ZFP1: variants seen among roughly 807,000 people sequenced by gnomAD.
The protein encoded by ZFP1 is ZFP1 zinc finger protein, also known as zinc finger protein 1 homolog.
ZFP1 carries 32 observed loss-of-function variants against 38.5 expected under a neutral mutation model. The ratio of observed to expected loss-of-function variants is 0.83; its 90% confidence interval spans 0.63 to 1.12. The LOEUF (loss-of-function observed/expected upper bound fraction) is 1.12, where lower values mean the gene tolerates loss of function less well. Ranked by LOEUF, ZFP1 falls within the 50% of genes most tolerant of loss-of-function variation. The probability of loss-of-function intolerance (pLI) is 0.00; values close to 1 mark genes in which losing one functional copy is unlikely to be tolerated. For missense variants in ZFP1, 616 were observed against 480.8 expected, an observed-to-expected ratio of 1.28 and a Z score of -2.63; for synonymous variants, 245 against 168.8, an observed-to-expected ratio of 1.45 and a Z score of -3.50.
At chr16:75,162,211 C>G (rs1406847696) in intron 2 of ZFP1, among the ~76,000 whole-genome samples, 1 of 152,068 alleles carries the variant, frequency 6.6e-6, no homozygotes, top group African/African-American at 2.4e-5. Context: ...CAGCCTGGAC[C>G]TCCTTGGCTC....
chr16:75,124,439 C>A, the ZFP1 span, among the ~76,000 whole-genome samples: 1 of 149,016 alleles, frequency 6.7e-6, no homozygotes. Context: ...GGATTACAGG[C>A]GTGAGCCACC....
chr16:75,128,089 A>T, the ZFP1 span: 14 of 152,238 alleles, frequency 9.2e-5, no homozygotes, highest in Non-Finnish European at 1.6e-4. Flanking sequence ...CTTTCCTTTA[A>T]GGAATCAAAC....
chr16:75,121,250 G>A, the ZFP1 span, among the ~76,000 whole-genome samples: 5 of 150,934 alleles, frequency 3.3e-5, no homozygotes, highest in African/African-American at 1.2e-4. Flanking sequence ...AGAGAGTACA[G>A]ACATAACTGG....
chr16:75,127,134 T>G, the ZFP1 span, among the ~76,000 whole-genome samples: 1 of 152,252 alleles, frequency 6.6e-6, no homozygotes, highest in East Asian at 1.9e-4. Context: ...TAAAACTTTT[T>G]GTCATTCACG....
chr16:75,137,141 G>C, the ZFP1 span, among the ~76,000 whole-genome samples: 1 of 152,248 alleles, frequency 6.6e-6, no homozygotes, highest in Admixed American at 6.5e-5. Context: ...ATCTTGTAAT[G>C]TCAGAAAGTA....
intron 2 of ZFP1, among the ~76,000 whole-genome samples, chr16:75,164,265 C>T (rs976349966): frequency 6.6e-6 from 1 of 152,086 alleles, no homozygotes; most frequent in Non-Finnish European, 1.5e-5. Context: ...GACATTTATC[C>T]CATTTTTATT....
At chr16:75,168,876 T>A (rs967132382) in intron 3 of ZFP1, among the ~76,000 whole-genome samples, 9 of 152,218 alleles carry the variant, frequency 5.9e-5, no homozygotes, top group African/African-American at 2.2e-4. Flanking sequence ...ATCTGCTTAC[T>A]TTCTCGGTCT....
At chr16:75,135,209 C>CAAAAAAAA in the ZFP1 span, among the ~76,000 whole-genome samples, 262 of 14,924 alleles carry the variant, frequency 0.018, 76 homozygotes, top group African/African-American at 0.035. Context: ...GACCTTATCT[C>CAAAAAAAA]AAAAAAAAAA....
At chr16:75,120,663 G>A in the ZFP1 span, among the ~76,000 whole-genome samples, 2 of 151,806 alleles carry the variant, frequency 1.3e-5, no homozygotes, top group South Asian at 2.1e-4. Context: ...GTGCAGTGGC[G>A]CAATCTCGGC....
intron 3 of ZFP1, among the ~76,000 whole-genome samples, chr16:75,167,460 C>T (rs376285996): frequency 6.6e-6 from 1 of 151,866 alleles, no homozygotes; most frequent in Admixed American, 6.6e-5. Flanking sequence ...TGAAACTTTC[C>T]TAACATATCT....
upstream of ZFP1, among the ~76,000 whole-genome samples, chr16:75,147,656 T>C (rs8059411): frequency 0.5 from 75,747 of 151,738 alleles, 20,327 homozygotes; most frequent in East Asian, 0.72. Context: ...GATATCAACT[T>C]TGGGGAGGTT....
intron 2 of ZFP1, among the ~76,000 whole-genome samples, chr16:75,158,370 A>G (rs1183641764): frequency 1.3e-5 from 2 of 149,148 alleles, no homozygotes; most frequent in Non-Finnish European, 3.0e-5. Context: ...ATTTTTTGAG[A>G]CAGGATCTCT....
chr16:75,169,748 A>G lies in ZFP1; in HGVS notation c.638A>G (p.Glu213Gly), dbSNP rs1165928116. 6.2e-7 allele frequency: 1 copy of G among 1,613,158 alleles called. No individual in the cohort carries two copies. The highest frequency in any genetic ancestry group is 2.2e-5 in the East Asian group (1 of 44,882). ...KRIHTGEKPY[E>G]CNVCKKTFSH... ...ATACATACTGGAGAAAAGCCATATG[A>G]ATGCAATGTATGTAAGAAAACCTTC... The change falls in exon 4 of 4, where the codon GAA (glutamate) becomes GGA (glycine). Residue 213 changes from glutamate to glycine, a missense_variant. By Grantham distance (98) the Glu-to-Gly change is moderately conservative. Transcript: ENST00000570010.
chr16:75,166,390 T>C (rs2038083657), intron 2 of ZFP1, among the ~76,000 whole-genome samples: 1 of 152,118 alleles, frequency 6.6e-6, no homozygotes, highest in South Asian at 2.1e-4. Context: ...TGTGCCACCA[T>C]GCCCGACTAA....
the ZFP1 span, among the ~76,000 whole-genome samples, chr16:75,133,381 C>T: frequency 3.7e-4 from 56 of 152,210 alleles, no homozygotes; most frequent in East Asian, 1.2e-3. Flanking sequence ...CCAGGAATTA[C>T]GCCCAGTATT....
At chr16:75,131,525 C>T in the ZFP1 span, among the ~76,000 whole-genome samples, 1 of 152,104 alleles carries the variant, frequency 6.6e-6, no homozygotes, top group African/African-American at 2.4e-5. Context: ...GTTTTTCTTC[C>T]CATCAAATCG....
chr16:75,131,682 G>T, the ZFP1 span, among the ~76,000 whole-genome samples: 1 of 152,116 alleles, frequency 6.6e-6, no homozygotes, highest in Non-Finnish European at 1.5e-5. Flanking sequence ...TGTCTATCTT[G>T]TCCAGGCACA....
the ZFP1 span, among the ~76,000 whole-genome samples, chr16:75,143,259 G>T: frequency 6.6e-6 from 1 of 152,050 alleles, no homozygotes; most frequent in Admixed American, 6.6e-5. Context: ...TTTTGTTTTT[G>T]AGATGGAGTC....
chr16:75,154,045 C>T lies in ZFP1; in HGVS notation c.15+1079C>T, dbSNP rs185566799. On this transcript the variant is annotated intron_variant, in intron 2 of 3. Coordinates refer to ENST00000570010, the MANE Select transcript of ZFP1 (RefSeq NM_153688.4). ...AATGCTGGCCAACACGGTGAAACCC[C>T]GTCTCTAGTAAAAAAAAAAGTACAA... is the stretch of plus-strand genomic sequence containing the variant. 8.5e-5 allele frequency among the ~76,000 whole-genome samples: 13 copies of T among 152,208 alleles called. 1 individual carries two copies. The highest frequency in any genetic ancestry group is 3.9e-4 in the East Asian group (2 of 5,176).
Sources: allele counts gnomAD v4.1 joint callset (sites outside exome capture counted in the v4.1 genomes callset), GRCh38; gene constraint gnomAD v4.1.1; transcripts MANE v1.5; gene names NCBI Gene and HGNC (gene_info 2026-07-23, HGNC 2026-07-21).